The following ANO4 variants were observed in gnomAD, a reference collection of about 807,000 sequenced individuals.
ANO4 encodes the protein anoctamin-4.
In ANO4, 69 loss-of-function variants were observed where a neutral mutation model predicts 141.9. The observed-to-expected ratio is 0.49, with a 90% CI of 0.40 to 0.59. The LOEUF (loss-of-function observed/expected upper bound fraction) is 0.59. ANO4 is among the 20% of genes least tolerant of loss of function. The pLI is 0.00. For synonymous variants in ANO4, 350 were observed against 394.3 expected (o/e 0.89, Z 1.33); for missense variants, 894 against 1,162.2 (o/e 0.77, Z 3.36).
chr12:100,971,856 A>T (rs868303755), intron 6 of ANO4, among the ~76,000 whole-genome samples: 8 of 86,316 alleles, frequency 9.3e-5, no homozygotes, highest in African/African-American at 1.9e-4. Flanking sequence ...TCTTCTTTTT[A>T]AAAAAAAAAC....
intron 1 of ANO4, among the ~76,000 whole-genome samples, chr12:100,815,549 TTTC>T (rs548230344): frequency 1.2e-3 from 176 of 152,278 alleles, no homozygotes; most frequent in Non-Finnish European, 1.9e-3. Context: ...TGCCATTTAC[TTTC>T]TTATTTGGAT....
At chr12:101,065,593 G>A (rs1311648919) in intron 14 of ANO4, among the ~76,000 whole-genome samples, 2 of 152,100 alleles carry the variant, frequency 1.3e-5, no homozygotes, top group Non-Finnish European at 2.9e-5. Context: ...GACCAATAAT[G>A]AGTAACAAGA....
chr12:100,809,388 A>C (rs1163034690), intron 1 of ANO4, among the ~76,000 whole-genome samples: 1 of 148,980 alleles, frequency 6.7e-6, no homozygotes, highest in Admixed American at 6.7e-5. Context: ...TTCTGTCTCA[A>C]AAAAAAAAAA....
At chr12:100,754,213 T>A (rs139913103) in intron 3 of ANO4, among the ~76,000 whole-genome samples, 1 of 152,360 alleles carries the variant, frequency 6.6e-6, no homozygotes, top group East Asian at 1.9e-4. Flanking sequence ...TGTGCACCTA[T>A]GAACACAGTG....
chr12:101,011,324 T>TTA (rs1566123822), intron 8 of ANO4, among the ~76,000 whole-genome samples: 10 of 150,998 alleles, frequency 6.6e-5, no homozygotes, highest in Non-Finnish European at 1.5e-4. Flanking sequence ...TTTTCTTTTT[T>TTA]TTTTTTTTTT....
At chr12:100,989,780 TG>T (rs2044984789) in intron 8 of ANO4, among the ~76,000 whole-genome samples, 1 of 150,572 alleles carries the variant, frequency 6.6e-6, no homozygotes, top group Admixed American at 6.6e-5. Flanking sequence ...GATGGATGGA[TG>T]GATGGATGGA....
At position 101,020,044 on chromosome 12, in the gene ANO4, C is replaced by T. The variant is rs140116275; in HGVS notation, c.745C>T (p.His249Tyr). The T allele has an allele frequency of 6.2e-7, 1 of 1,611,398 alleles. No individual in the cohort carries two copies. The highest frequency in any genetic ancestry group is 1.3e-5 in the African/African-American group (1 of 74,942). Residue 249 changes from histidine (H) to tyrosine (Y), a missense_variant, in exon 9 of 28, where the codon CAC (histidine) becomes TAC (tyrosine). By Grantham distance (83) the His-to-Tyr change is moderately conservative. This residue lies in a region of ANO4 where 637 missense variants were observed against 909.2 expected (regional missense o/e 0.70). Transcript: ENST00000392977. ...SQQRIHHFII[H>Y]NKETFFNNAT... Reference sequence around the variant, plus strand: ...AATATATGTATGCAGCTTCATCATACACAACAAAGAAACGTTCTTCAACAA... The same window carrying T: ...AATATATGTATGCAGCTTCATCATATACAACAAAGAAACGTTCTTCAACAA...
intron 1 of ANO4, among the ~76,000 whole-genome samples, chr12:100,863,189 G>A (rs1408207615): frequency 6.6e-6 from 1 of 152,082 alleles, no homozygotes; most frequent in Non-Finnish European, 1.5e-5. Context: ...GGGCTGAAGT[G>A]GATTATACAG....
Position 100,963,166 on chromosome 12 carries a change from C to T in ANO4, c.457-8140C>T, listed in dbSNP as rs1273510426. 1.3e-5 allele frequency among the ~76,000 whole-genome samples: 2 copies of T among 152,146 alleles called. 1 individual carries two copies. Among genetic ancestry groups the T allele is most frequent in the African/African-American group, 4.8e-5 (2 of 41,440 alleles). ...CAGGTACCAGGTGCCACAATGACCA[C>T]TGGCTACACTGATCTGGAGCTCAGA... On this transcript the variant is annotated intron_variant, in intron 5 of 27. Transcript: ENST00000392977.
At chr12:100,964,072 T>A (rs2136243409) in intron 5 of ANO4, among the ~76,000 whole-genome samples, 1 of 152,304 alleles carries the variant, frequency 6.6e-6, no homozygotes, top group Non-Finnish European at 1.5e-5. Flanking sequence ...TTACATTAAT[T>A]TTTAGGATGT....
chr12:100,793,612 T>A (rs770479004), upstream of ANO4, among the ~76,000 whole-genome samples: 2 of 152,040 alleles, frequency 1.3e-5, no homozygotes, highest in Non-Finnish European at 2.9e-5. Context: ...CATTTGTATA[T>A]TCCTGTTAAC....
upstream of ANO4, among the ~76,000 whole-genome samples, chr12:100,793,591 A>G (rs1007452830): frequency 3.9e-5 from 6 of 152,092 alleles, no homozygotes; most frequent in Admixed American, 3.9e-4. Flanking sequence ...ACAGAAAACA[A>G]AACCCGAGGG....
chr12:100,944,041 T>C (rs2042614921), intron 5 of ANO4, among the ~76,000 whole-genome samples: 1 of 152,230 alleles, frequency 6.6e-6, no homozygotes, highest in South Asian at 2.1e-4. Context: ...TTTGTTCAAT[T>C]AATGCAAGAT....
intron 26 of ANO4, among the ~76,000 whole-genome samples, chr12:101,125,896 G>C (rs1463023691): frequency 6.6e-6 from 1 of 152,072 alleles, no homozygotes; most frequent in Non-Finnish European, 1.5e-5. Flanking sequence ...GATGACACTG[G>C]CCTCATAAAT....
chr12:100,813,486 C>T (rs1246785400), intron 1 of ANO4, among the ~76,000 whole-genome samples: 1 of 152,138 alleles, frequency 6.6e-6, no homozygotes, highest in Non-Finnish European at 1.5e-5. Context: ...TCCTTCTTAT[C>T]CATCTCAGAT....
At chr12:101,014,774 A>G (rs1379738699) in intron 8 of ANO4, among the ~76,000 whole-genome samples, 1 of 152,008 alleles carries the variant, frequency 6.6e-6, no homozygotes, top group African/African-American at 2.4e-5. Flanking sequence ...TTTCAGGGGG[A>G]ATGTGAGAGC....
intron 6 of ANO4, among the ~76,000 whole-genome samples, chr12:100,971,862 AAAAC>A (rs991578718): frequency 8.5e-5 from 13 of 152,070 alleles, no homozygotes; most frequent in African/African-American, 2.7e-4. Flanking sequence ...TTTTAAAAAA[AAAAC>A]AAAAAAAACC....
At chr12:101,037,267 T>A (rs1176834438) in intron 10 of ANO4, 117 bp downstream of exon 10, 1 of 1,040,822 alleles carries the variant, frequency 9.6e-7, no homozygotes. Context: ...TTTAATTTGT[T>A]CAATGGGTAA....
chr12:101,126,161 C>G (rs1266410870), intron 26 of ANO4, among the ~76,000 whole-genome samples: 2 of 152,132 alleles, frequency 1.3e-5, no homozygotes, highest in Non-Finnish European at 2.9e-5. Context: ...CCAAATTTAT[C>G]AAGTTTTAAA....
Sources: allele counts gnomAD v4.1 joint callset (sites outside exome capture counted in the v4.1 genomes callset), GRCh38; gene constraint gnomAD v4.1.1; regional missense constraint gnomAD v4.1.1; transcripts MANE v1.5; gene names NCBI Gene and HGNC (gene_info 2026-07-23, HGNC 2026-07-21).